Variants in FRMPD4 observed in about 807,000 individuals in gnomAD.
FRMPD4 encodes the protein FERM and PDZ domain-containing protein 4.
Under a neutral mutation model 94.1 loss-of-function variants are expected in FRMPD4, and 22 were observed. That is an observed-to-expected ratio of 0.23 (90% CI 0.17 to 0.33). The LOEUF is 0.33. FRMPD4 is among the 10% of genes least tolerant of loss of function. The pLI is 1.00. For missense variants in FRMPD4, 1,111 were observed against 1,339.9 expected, an observed-to-expected ratio of 0.83 and a Z score of 2.67; for synonymous variants, 631 against 548.6, an observed-to-expected ratio of 1.15 and a Z score of -2.10.
chrX:12,316,790 A>G (rs2055124330), intron 1 of FRMPD4, among the ~76,000 whole-genome samples: 1 of 109,086 alleles, frequency 9.2e-6, no homozygotes, highest in African/African-American at 3.3e-5. Flanking sequence ...TAAAGCTCAG[A>G]GTTCTATGGT....
intron 3 of FRMPD4, among the ~76,000 whole-genome samples, chrX:12,065,706 C>A (rs2054915215): frequency 1.8e-5 from 2 of 112,272 alleles, no homozygotes; most frequent in Admixed American, 1.9e-4. Flanking sequence ...TCCCTAAATA[C>A]TAATATTCCA....
intron 1 of FRMPD4, among the ~76,000 whole-genome samples, chrX:12,408,592 A>G (rs1267799634): frequency 2.7e-5 from 3 of 111,155 alleles, no homozygotes; most frequent in Non-Finnish European, 5.7e-5. Flanking sequence ...ATCAGTATCT[A>G]CTGAGTATGA....
intron 3 of FRMPD4, among the ~76,000 whole-genome samples, chrX:11,917,886 TA>T (rs72064228): frequency 0.061 from 5,241 of 85,948 alleles, 144 homozygotes; most frequent in East Asian, 0.15. Flanking sequence ...CCCGTGAATC[TA>T]AAAAAAAAAA....
chrX:12,507,473 C>G (rs1280614843), intron 2 of FRMPD4, among the ~76,000 whole-genome samples: 1 of 112,074 alleles, frequency 8.9e-6, no homozygotes, highest in African/African-American at 3.2e-5. Context: ...GACCCATGAG[C>G]TATATAGTAC....
intron 4 of FRMPD4, among the ~76,000 whole-genome samples, chrX:12,633,624 G>C (rs1270562978): frequency 8.9e-6 from 1 of 112,050 alleles, no homozygotes; most frequent in Non-Finnish European, 1.9e-5. Flanking sequence ...CTAGTGTTAT[G>C]GATAAACATT....
intron 1 of FRMPD4, among the ~76,000 whole-genome samples, chrX:12,303,095 T>G (rs1267307576): frequency 9.0e-6 from 1 of 111,681 alleles, no homozygotes; most frequent in Admixed American, 9.5e-5. Flanking sequence ...GAGATGCAAC[T>G]TTCTCCACAA....
chrX:11,850,316 G>T lies in FRMPD4; in HGVS notation c.-160-14770G>T, dbSNP rs73495562. On this transcript the variant is annotated intron_variant, in intron 1 of 18. Coordinates refer to the FRMPD4 transcript ENST00000640291. ...ACAAGTGTTAGCTTTTAGCGAGGAT[G>T]TGGAGAAGTTGGAATTCTTTTGCAC... Among the ~76,000 whole-genome samples the T allele has an allele frequency of 4.0e-3, 447 of 112,591 alleles. 4 individuals carry two copies. The highest frequency in any genetic ancestry group is 0.014 in the African/African-American group (425 of 31,105).
intron 2 of FRMPD4, among the ~76,000 whole-genome samples, chrX:12,499,144 G>A (rs774553233): frequency 6.3e-5 from 7 of 111,463 alleles, no homozygotes; most frequent in Non-Finnish European, 1.3e-4. Flanking sequence ...AACAACCGAA[G>A]TTGGACATGC....
intron 1 of FRMPD4, among the ~76,000 whole-genome samples, chrX:12,385,046 T>C (rs1050977399): frequency 3.6e-5 from 4 of 112,244 alleles, no homozygotes; most frequent in Non-Finnish European, 5.6e-5. Context: ...GTCTTTTTTT[T>C]CCCCCATATC....
At chrX:12,571,815 C>A (rs2058763355) in intron 2 of FRMPD4, among the ~76,000 whole-genome samples, 1 of 112,367 alleles carries the variant, frequency 8.9e-6, no homozygotes, top group Non-Finnish European at 1.9e-5. Flanking sequence ...TCTAAAGCTA[C>A]ATTCTGTTAA....
intron 1 of FRMPD4, among the ~76,000 whole-genome samples, chrX:12,147,449 A>C (rs1854137496): frequency 8.9e-6 from 1 of 112,698 alleles, no homozygotes. Flanking sequence ...CCTAGAAGCT[A>C]GATTCACATG....
rs190817857 is a variant in FRMPD4 at position 11,959,649 on chromosome X, G to T, written c.95+81631G>T. On this transcript the variant is annotated intron_variant, in intron 3 of 18. Transcript: ENST00000640291. ...CAGCAGTCAGGTGGTTGGTTGATAT[G>T]GTTGATATCAGTGGTGGAGTCTTTT... Among the ~76,000 whole-genome samples, 4 of 111,221 alleles carry T rather than the reference G, an allele frequency of 3.6e-5. No homozygotes were observed. The East Asian group carries it at 8.5e-4, about 24-fold the overall frequency.
intron 1 of FRMPD4, among the ~76,000 whole-genome samples, chrX:11,839,988 A>T (rs1421380139): frequency 9.0e-6 from 1 of 111,645 alleles, no homozygotes. Context: ...CAGTGGTTTT[A>T]CAGTAAGTTT....
At chrX:11,854,393 T>A (rs892600376) in intron 1 of FRMPD4, among the ~76,000 whole-genome samples, 1 of 111,535 alleles carries the variant, frequency 9.0e-6, no homozygotes, top group African/African-American at 3.3e-5. Flanking sequence ...CTTCCAACAG[T>A]CTTCCAAAGT....
intron 9 of FRMPD4, among the ~76,000 whole-genome samples, chrX:12,700,533 C>A (rs1246154258): frequency 1.8e-5 from 2 of 111,998 alleles, no homozygotes; most frequent in African/African-American, 6.5e-5. Context: ...ACACTCTCAG[C>A]CACTCTTCAA....
At chrX:11,844,775 TTTA>T (rs965018792) in intron 1 of FRMPD4, among the ~76,000 whole-genome samples, 1 of 112,138 alleles carries the variant, frequency 8.9e-6, no homozygotes. Flanking sequence ...GAAGTTTTTA[TTTA>T]TTATTTTTGT....
chrX:12,384,315 A>G (rs746364443), intron 1 of FRMPD4, among the ~76,000 whole-genome samples: 183 of 111,738 alleles, frequency 1.6e-3, no homozygotes, highest in Admixed American at 6.5e-3. Context: ...CAGGAGTTCA[A>G]GACCAGCCTG....
chrX:12,473,767 A>T (rs1158133342), intron 1 of FRMPD4, among the ~76,000 whole-genome samples: 1 of 110,700 alleles, frequency 9.0e-6, no homozygotes, highest in Non-Finnish European at 1.9e-5. Context: ...AGAGCTAACT[A>T]TCCTAAATAT....
At chrX:12,162,579 A>G (rs1345269176) in intron 1 of FRMPD4, among the ~76,000 whole-genome samples, 1 of 111,924 alleles carries the variant, frequency 8.9e-6, no homozygotes. Flanking sequence ...TGACATTTAC[A>G]ATTAGTGCCC....
Sources: gnomAD v4.1 joint callset for allele counts (sites outside exome capture counted in the v4.1 genomes callset) on GRCh38, gnomAD v4.1.1 for gene constraint, MANE v1.5 for transcripts, NCBI Gene and HGNC (gene_info 2026-07-23, HGNC 2026-07-21) for gene names.